CNTNAP2: variants seen among roughly 807,000 people sequenced by gnomAD.
CNTNAP2 encodes contactin-associated protein-like 2.
Under a neutral mutation model 155.2 loss-of-function variants are expected in CNTNAP2, and 98 were observed. The observed-to-expected ratio is 0.63, with a 90% CI of 0.54 to 0.75. The LOEUF is 0.75. CNTNAP2 is among the 30% of genes least tolerant of loss of function. The probability of loss-of-function intolerance (pLI) is 0.00; values close to 1 mark genes in which losing one functional copy is unlikely to be tolerated. For synonymous variants in CNTNAP2, 651 were observed against 631.2 expected, an observed-to-expected ratio of 1.03 and a Z score of -0.47; for missense variants, 1,727 against 1,688.1, an observed-to-expected ratio of 1.02 and a Z score of -0.40.
At chr7:148,188,317 C>T (rs183975515) in intron 18 of CNTNAP2, among the ~76,000 whole-genome samples, 11 of 152,152 alleles carry the variant, frequency 7.2e-5, no homozygotes, top group East Asian at 5.8e-4. Flanking sequence ...TCAATGTGGA[C>T]GGAATTGAAA....
intron 1 of CNTNAP2, among the ~76,000 whole-genome samples, chr7:146,750,960 A>G (rs1456786002): frequency 6.6e-6 from 1 of 152,182 alleles, no homozygotes; most frequent in Non-Finnish European, 1.5e-5. Context: ...ACTTTTACTC[A>G]TTCATTCAAT....
chr7:147,769,873 G>T (rs930511598), intron 13 of CNTNAP2, among the ~76,000 whole-genome samples: 2 of 152,136 alleles, frequency 1.3e-5, no homozygotes, highest in Non-Finnish European at 2.9e-5. Flanking sequence ...TAGAGATGAT[G>T]ATCGTAACCA....
chr7:147,356,555 T>G (rs1469991124), intron 9 of CNTNAP2, among the ~76,000 whole-genome samples: 1 of 152,144 alleles, frequency 6.6e-6, no homozygotes, highest in Non-Finnish European at 1.5e-5. Context: ...CAAAATCTCT[T>G]AAGCTGGTAA....
At chr7:146,617,571 C>T (rs962152696) in intron 1 of CNTNAP2, among the ~76,000 whole-genome samples, 1 of 152,122 alleles carries the variant, frequency 6.6e-6, no homozygotes, top group African/African-American at 2.4e-5. Flanking sequence ...ATCAAAGTTA[C>T]ACTGATCTTA....
At chr7:147,695,714 A>G (rs1195913381) in intron 13 of CNTNAP2, among the ~76,000 whole-genome samples, 1 of 152,164 alleles carries the variant, frequency 6.6e-6, no homozygotes, top group African/African-American at 2.4e-5. Context: ...AGGCAGGAGA[A>G]TCTCTTGAAC....
chr7:147,525,789 C>G (rs1186285593), intron 11 of CNTNAP2, among the ~76,000 whole-genome samples: 1 of 152,136 alleles, frequency 6.6e-6, no homozygotes, highest in Non-Finnish European at 1.5e-5. Context: ...AATATTATGA[C>G]TCTTTCATAT....
In CNTNAP2 at chr7:146,806,264, G is replaced by A. The variant is rs567313531; in HGVS notation, c.208+31883G>A. Among the ~76,000 whole-genome samples, 5 of 152,166 alleles carry A rather than the reference G, an allele frequency of 3.3e-5. No homozygotes were observed. In the South Asian group the frequency reaches 8.3e-4, roughly 25 times the overall value. On this transcript the variant is annotated intron_variant, in intron 2 of 23. Coordinates refer to ENST00000361727, the MANE Select transcript of CNTNAP2 (RefSeq NM_014141.6). Reference sequence around the variant, plus strand: ...CCCAGCACTTTGGGCAGCTGAGGTGGGTGGATCACCAAGGTCAGGAGTTCA... The same window carrying A: ...CCCAGCACTTTGGGCAGCTGAGGTGAGTGGATCACCAAGGTCAGGAGTTCA...
chr7:147,662,679 A>C (rs989324997), intron 13 of CNTNAP2, among the ~76,000 whole-genome samples: 3 of 152,136 alleles, frequency 2.0e-5, no homozygotes, highest in Admixed American at 1.3e-4. Flanking sequence ...TGCTAGCTTA[A>C]TAGTTCATTA....
chr7:147,768,492 A>G (rs1468917872), intron 13 of CNTNAP2, among the ~76,000 whole-genome samples: 2 of 152,150 alleles, frequency 1.3e-5, no homozygotes, highest in East Asian at 3.8e-4. Flanking sequence ...GACTGAAAAG[A>G]TAAATGGGAA....
chr7:148,018,910 T>C (rs1392383859), intron 15 of CNTNAP2, among the ~76,000 whole-genome samples: 2 of 152,248 alleles, frequency 1.3e-5, no homozygotes, highest in South Asian at 2.1e-4. Flanking sequence ...TCCCTCTAAA[T>C]TGATCCAGAG....
chr7:146,920,665 A>G (rs1796481395), intron 3 of CNTNAP2, among the ~76,000 whole-genome samples: 1 of 152,172 alleles, frequency 6.6e-6, no homozygotes, highest in Non-Finnish European at 1.5e-5. Context: ...AAAAATTGTA[A>G]TAAAAATAAA....
chr7:147,281,117 A>C (rs1805024242), intron 8 of CNTNAP2, among the ~76,000 whole-genome samples: 1 of 151,950 alleles, frequency 6.6e-6, no homozygotes, highest in South Asian at 2.1e-4. Context: ...CACTTATTAA[A>C]TTTTTGATGT....
intron 7 of CNTNAP2, among the ~76,000 whole-genome samples, chr7:147,131,240 A>G (rs1394508973): frequency 5.3e-5 from 8 of 151,392 alleles, no homozygotes; most frequent in Non-Finnish European, 2.9e-5. Context: ...CATGTATACC[A>G]TATACATATA....
intron 13 of CNTNAP2, among the ~76,000 whole-genome samples, chr7:147,676,795 A>G (rs1795875942): frequency 6.6e-6 from 1 of 151,928 alleles, no homozygotes; most frequent in Admixed American, 6.6e-5. Context: ...GTTTCACTTA[A>G]CATAAGGTCC....
intron 8 of CNTNAP2, among the ~76,000 whole-genome samples, chr7:147,186,866 T>TGTTAGAA (rs1802576877): frequency 1.4e-5 from 2 of 141,704 alleles, no homozygotes; most frequent in Non-Finnish European, 3.2e-5. Flanking sequence ...AAGAAGGCAC[T>TGTTAGAA]TGATCTTTTC....
intron 1 of CNTNAP2, among the ~76,000 whole-genome samples, chr7:146,672,086 T>C (rs1181335903): frequency 1.3e-5 from 2 of 152,126 alleles, no homozygotes; most frequent in African/African-American, 4.8e-5. Flanking sequence ...AGTGCTGGGA[T>C]TACAGGCATG....
chr7:146,292,817 A>C (rs992986960), intron 1 of CNTNAP2, among the ~76,000 whole-genome samples: 4 of 152,190 alleles, frequency 2.6e-5, no homozygotes, highest in Non-Finnish European at 4.4e-5. Context: ...TGTGGAATCT[A>C]AAACAGTCAA....
chr7:146,947,578 T>TATATATATATATATATATATATATAC (rs1563016170), intron 3 of CNTNAP2, among the ~76,000 whole-genome samples: 2 of 65,890 alleles, frequency 3.0e-5, no homozygotes, highest in Non-Finnish European at 6.7e-5. Flanking sequence ...TATATATACA[T>TATATATATATATATATATATATATAC]ATATATATAT....
chr7:146,714,269 A>G (rs1361878846), intron 1 of CNTNAP2, among the ~76,000 whole-genome samples: 1 of 152,198 alleles, frequency 6.6e-6, no homozygotes, highest in Non-Finnish European at 1.5e-5. Flanking sequence ...TCTGAGAATC[A>G]CTGTTGCTAG....
Sources: gnomAD v4.1 joint callset for allele counts (sites outside exome capture counted in the v4.1 genomes callset) on GRCh38, gnomAD v4.1.1 for gene constraint, MANE v1.5 for transcripts, NCBI Gene and HGNC (gene_info 2026-07-23, HGNC 2026-07-21) for gene names.